Variants in UNC45B observed in about 807,000 individuals in gnomAD.
UNC45B encodes unc-45 myosin chaperone B.
UNC45B carries 78 observed loss-of-function variants against 98.7 expected under a neutral mutation model. The observed-to-expected ratio is 0.79, with a 90% CI of 0.66 to 0.95. The LOEUF (loss-of-function observed/expected upper bound fraction) is 0.95, where lower values mean the gene tolerates loss of function less well. Among genes scored for constraint, UNC45B ranks in the 40% least tolerant of loss-of-function variants. The probability of loss-of-function intolerance (pLI) is 0.00; values close to 1 mark genes in which losing one functional copy is unlikely to be tolerated. For missense variants in UNC45B, 1,225 were observed against 1,184.9 expected, an observed-to-expected ratio of 1.03 and a Z score of -0.50; for synonymous variants, 462 against 480.4, an observed-to-expected ratio of 0.96 and a Z score of 0.50.
chr17:35,174,666 T>A (rs1335962132), intron 14 of UNC45B, among the ~76,000 whole-genome samples: 1 of 151,848 alleles, frequency 6.6e-6, no homozygotes, highest in Non-Finnish European at 1.5e-5. Flanking sequence ...CAAAAAAATT[T>A]TAAATTAGCC....
intron 4 of UNC45B, among the ~76,000 whole-genome samples, chr17:35,151,395 T>C (rs959343560): frequency 6.6e-6 from 1 of 152,136 alleles, no homozygotes; most frequent in Non-Finnish European, 1.5e-5. Flanking sequence ...TTCACCATGT[T>C]GGCCAGACTC....
Position 35,186,869 on chromosome 17 carries a change from G to C in UNC45B, c.*310G>C, listed in dbSNP as rs1163150733. The stretch of plus-strand genomic sequence containing the variant: ...TTTCTGTACCCATTCTGAAGGCCAG[G>C]ATAATAGGTTGAAGTTCTTTATATT... On this transcript the variant is annotated 3_prime_UTR_variant, in exon 20 of 20. Coordinates refer to ENST00000394570, the MANE Select transcript of UNC45B (RefSeq NM_001267052.2). 1 of 260,002 alleles carries C rather than the reference G, an allele frequency of 3.8e-6. No individual in the cohort carries two copies. Among genetic ancestry groups the C allele is most frequent in the East Asian group, 8.5e-5 (1 of 11,752 alleles). The allele number at this position is 260,002 out of a possible 1,614,324, so 16.1% of individuals were successfully genotyped here.
At chr17:35,172,492 A>C (rs2092194447) in intron 13 of UNC45B, among the ~76,000 whole-genome samples, 1 of 152,182 alleles carries the variant, frequency 6.6e-6, no homozygotes, top group Non-Finnish European at 1.5e-5. Context: ...CAAGTGACCC[A>C]CCCACCTCGG....
intron 18 of UNC45B, among the ~76,000 whole-genome samples, chr17:35,181,300 T>C (rs901261161): frequency 7.2e-5 from 11 of 152,262 alleles, no homozygotes; most frequent in African/African-American, 2.6e-4. Context: ...CCTGTCAGAG[T>C]ACTGCTGTGA....
intron 17 of UNC45B, among the ~76,000 whole-genome samples, chr17:35,178,329 A>C (rs1367111770): frequency 6.6e-6 from 1 of 152,252 alleles, no homozygotes. Flanking sequence ...TGTTGGCTGC[A>C]TAAATGTCTT....
At chr17:35,174,483 T>C in intron 14 of UNC45B, 114 bp downstream of exon 14, 1 of 1,432,028 alleles carries the variant, frequency 7.0e-7, no homozygotes, top group South Asian at 1.3e-5. Flanking sequence ...GGAGATAAAC[T>C]ATTGGGAAAG....
Position 35,183,533 on chromosome 17 carries a change from C to G in UNC45B, c.2480C>G (p.Ala827Gly). 1 of 1,601,104 alleles carries G rather than the reference C, an allele frequency of 6.2e-7. No homozygotes were observed. ...CAGAATGCGGCTGCAGGGGCTCTGG[C>G]CATGCTGACAGCAGCACACAAGAAA... ...KVQNAAAGALAMLTAAHKKLC... is the reference protein window; with the variant it reads ...KVQNAAAGALGMLTAAHKKLC... Residue 827 changes from alanine (A) to glycine (G), a missense_variant, in exon 19 of 20, where the codon GCC (alanine) becomes GGC (glycine). By Grantham distance (60) the Ala-to-Gly change is moderately conservative. Coordinates refer to ENST00000394570, the MANE Select transcript of UNC45B (RefSeq NM_001267052.2).
chr17:35,181,914 A>G (rs2092276629), intron 18 of UNC45B, among the ~76,000 whole-genome samples: 11 of 151,928 alleles, frequency 7.2e-5, no homozygotes, highest in Non-Finnish European at 1.5e-5. Flanking sequence ...AGTGTGTCCA[A>G]GGAGATGGGC....
chr17:35,165,947 AAAAG>A (rs1339753784), intron 9 of UNC45B, among the ~76,000 whole-genome samples: 1 of 150,962 alleles, frequency 6.6e-6, no homozygotes, highest in Non-Finnish European at 1.5e-5. Flanking sequence ...TCAAAAAGAA[AAAAG>A]AAAGGCAAAA....
chr17:35,174,306 T>C lies in UNC45B; in HGVS notation c.1895T>C (p.Leu632Pro). 1 of 1,614,224 alleles carries C rather than the reference T, an allele frequency of 6.2e-7. No individual in the cohort carries two copies. The highest frequency in any genetic ancestry group is 8.5e-7 in the Non-Finnish European group (1 of 1,180,040). The change falls in exon 14 of 20, where the codon CTG (leucine) becomes CCG (proline). Residue 632 changes from leucine to proline, a missense_variant. Coordinates refer to ENST00000394570, the MANE Select transcript of UNC45B (RefSeq NM_001267052.2). ...CTGAAGGCGGGTGTCATCTCTGCCC[T>C]GGCTTGCATGGTGAAAGCAGATAGT... ...RLLKAGVISA[L>P]ACMVKADSAI...
At chr17:35,159,265 G>A in intron 7 of UNC45B, 110 bp from the exon 8 acceptor site, 1 of 1,020,982 alleles carries the variant, frequency 9.8e-7, no homozygotes, top group Non-Finnish European at 1.4e-6. Flanking sequence ...CACATATTCA[G>A]GAAGTAGTGG....
chr17:35,186,460 C>T lies in UNC45B; in HGVS notation c.2691C>T (p.Gly897=), dbSNP rs1567772636. 1.9e-6 allele frequency: 3 copies of T among 1,614,194 alleles called. No individual in the cohort carries two copies. The highest frequency in any genetic ancestry group is 8.5e-7 in the Non-Finnish European group (1 of 1,180,034). The change falls in exon 20 of 20, where the codon GGC becomes GGT. Residue 897 remains glycine, a synonymous_variant. Transcript: ENST00000394570. ...SELLEILTVV[G]KQEPDEKKAE... ...TGCTGGAGATCCTGACTGTGGTGGG[C>T]AAACAGGAGCCAGATGAGAAGAAGG...
intron 17 of UNC45B, among the ~76,000 whole-genome samples, chr17:35,180,011 G>A (rs143741849): frequency 6.7e-4 from 102 of 152,262 alleles, no homozygotes; most frequent in African/African-American, 2.4e-3. Flanking sequence ...GCCAGTAGCA[G>A]AAAACTTAAC....
chr17:35,169,913 T>C lies in UNC45B; in HGVS notation c.1529T>C (p.Leu510Pro). The C allele has an allele frequency of 6.2e-7, 1 of 1,614,106 alleles. No individual in the cohort carries two copies. The highest frequency in any genetic ancestry group is 8.5e-7 in the Non-Finnish European group (1 of 1,180,014). ...TTTGCGGAAGGGTCGACAGAAAAAC[T>C]GGCCAAACAGTGTCGCAAGTAAGGG... ...RQFAEGSTEKLAKQCRKWLCN... is the reference protein window; with the variant it reads ...RQFAEGSTEKPAKQCRKWLCN... The change falls in exon 11 of 20, where the codon CTG (leucine) becomes CCG (proline). Residue 510 changes from leucine (L) to proline (P), a missense_variant. By Grantham distance (98) the Leu-to-Pro change is moderately conservative. Transcript: ENST00000394570.
Position 35,155,364 on chromosome 17 carries a change from G to A in UNC45B, c.708G>A (p.Glu236=). 6.2e-7 allele frequency: 1 copy of A among 1,614,228 alleles called. No homozygotes were observed. The highest frequency in any genetic ancestry group is 8.5e-7 in the Non-Finnish European group (1 of 1,180,042). The change falls in exon 7 of 20, where the codon GAG becomes GAA. Residue 236 remains glutamate (E), a synonymous_variant. Transcript: ENST00000394570. Reference sequence around the variant, plus strand: ...GCCTCATGGCCGTGGAGAATGAGGAGATGTCTCTGGCTGTCTGCAACCTGC... The same window carrying A: ...GCCTCATGGCCGTGGAGAATGAGGAAATGTCTCTGGCTGTCTGCAACCTGC... ...ICSLMAVENE[E]MSLAVCNLLQ... is the part of the protein sequence containing the mutation.
chr17:35,186,675 A>C lies in UNC45B; in HGVS notation c.*116A>C. ...ATCATAGCAGTGACAATGAAGTCTC[A>C]ATATAAAGGAAAGACTTGATTGTTC... On this transcript the variant is annotated 3_prime_UTR_variant, in exon 20 of 20. Coordinates refer to ENST00000394570, the MANE Select transcript of UNC45B (RefSeq NM_001267052.2). The C allele has an allele frequency of 1.2e-5, 14 of 1,211,142 alleles. No individual in the cohort carries two copies. The highest frequency in any genetic ancestry group is 1.6e-5 in the Non-Finnish European group (14 of 872,940). 75.0% of individuals were successfully genotyped at this position (1,211,142 alleles called of 1,614,324 possible).
chr17:35,183,549 A>G lies in UNC45B; in HGVS notation c.2496A>G (p.Ala832=). 1 of 1,588,176 alleles carries G rather than the reference A, an allele frequency of 6.3e-7. No homozygotes were observed. Among genetic ancestry groups the G allele is most frequent in the African/African-American group, 1.3e-5 (1 of 74,116 alleles). ...AAGALAMLTA[A]HKKLCLKMTQ... Reference sequence around the variant, plus strand: ...GGGCTCTGGCCATGCTGACAGCAGCACACAAGAAACTGTGCCTCAAGATGA... The same window carrying G: ...GGGCTCTGGCCATGCTGACAGCAGCGCACAAGAAACTGTGCCTCAAGATGA... The change falls in exon 19 of 20, where the codon GCA becomes GCG. Residue 832 remains alanine, a synonymous_variant. Coordinates refer to ENST00000394570, the MANE Select transcript of UNC45B (RefSeq NM_001267052.2).
chr17:35,155,330 G>C lies in UNC45B; in HGVS notation c.674G>C (p.Arg225Pro). ...TVILHAVRID[R>P]ICSLMAVENE... ...ATTCTGCATGCAGTGCGGATAGACC[G>C]AATCTGTAGCCTCATGGCCGTGGAG... The change falls in exon 7 of 20, where the codon CGA becomes CCA. Residue 225 changes from arginine to proline, a missense_variant. Coordinates refer to ENST00000394570, the MANE Select transcript of UNC45B (RefSeq NM_001267052.2). The C allele has an allele frequency of 6.2e-7, 1 of 1,614,168 alleles. No individual in the cohort carries two copies. The highest frequency in any genetic ancestry group is 8.5e-7 in the Non-Finnish European group (1 of 1,180,038).
chr17:35,148,309 C>G lies in UNC45B; in HGVS notation c.46C>G (p.His16Asp). The change falls in exon 2 of 20, where the codon CAT (histidine) becomes GAT (aspartate). Residue 16 changes from histidine to aspartate, a missense_variant. Transcript: ENST00000394570. ...ACAGCTGAAGGAGGAAGGAAACCGGCATTTCCAGCTCCAGGACTACAAGGC... is the reference window on the plus strand; with the variant it reads ...ACAGCTGAAGGAGGAAGGAAACCGGGATTTCCAGCTCCAGGACTACAAGGC... ...AVQLKEEGNRHFQLQDYKAAT... is the reference protein window; with the variant it reads ...AVQLKEEGNRDFQLQDYKAAT... 6.2e-7 allele frequency: 1 copy of G among 1,614,150 alleles called. No individual in the cohort carries two copies. Among genetic ancestry groups the G allele is most frequent in the Non-Finnish European group, 8.5e-7 (1 of 1,179,996 alleles).
Sources: allele counts gnomAD v4.1 joint callset (sites outside exome capture counted in the v4.1 genomes callset), GRCh38; gene constraint gnomAD v4.1.1; transcripts MANE v1.5; gene names NCBI Gene and HGNC (gene_info 2026-07-23, HGNC 2026-07-21).